The following DISP1 variants were observed in gnomAD, a reference collection of about 807,000 sequenced individuals.
DISP1 encodes protein dispatched homolog 1.
DISP1 carries 30 observed loss-of-function variants against 37.3 expected under a neutral mutation model. That is an observed-to-expected ratio of 0.80 (90% CI 0.60 to 1.09). DISP1 has a LOEUF of 1.09. DISP1 is among the 50% of genes least tolerant of loss of function. The pLI is 0.00. For synonymous variants in DISP1, 634 were observed against 690.2 expected, an observed-to-expected ratio of 0.92 and a Z score of 1.28; for missense variants, 1,598 against 1,879.5, an observed-to-expected ratio of 0.85 and a Z score of 2.77.
rs372060548 is a variant in DISP1, at chr1:222,917,352, A to T, written c.-158-11078A>T. The stretch of plus-strand genomic sequence containing the variant: ...GAGACTAGCAGAGACTTGCAGGGAC[A>T]GGGAGGGACAGACAGGGACAGATAG... On this transcript the variant is annotated intron_variant, in intron 1 of 8. Coordinates refer to ENST00000675850, the MANE Select transcript of DISP1 (RefSeq NM_001377229.1). Among the ~76,000 whole-genome samples the T allele has an allele frequency of 1.2e-4, 18 of 152,178 alleles. No individual in the cohort carries two copies. The East Asian group carries it at 2.1e-3, about 18-fold the overall frequency.
At chr1:222,955,992 G>T (rs547150081) in intron 3 of DISP1, among the ~76,000 whole-genome samples, 1 of 152,194 alleles carries the variant, frequency 6.6e-6, no homozygotes, top group Non-Finnish European at 1.5e-5. Flanking sequence ...AATACTTTGA[G>T]ATTCAAGCCT....
chr1:222,871,179 T>C (rs181454517), intron 1 of DISP1, among the ~76,000 whole-genome samples: 60 of 152,326 alleles, frequency 3.9e-4, no homozygotes, highest in South Asian at 1.4e-3. Context: ...TACCATACTA[T>C]TTTGGTTACT....
At chr1:222,843,144 G>C (rs922704319) in intron 1 of DISP1, among the ~76,000 whole-genome samples, 1 of 151,626 alleles carries the variant, frequency 6.6e-6, no homozygotes, top group African/African-American at 2.4e-5. Context: ...CATTAATTTT[G>C]ACTAATCGGG....
At chr1:222,908,999 C>G (rs1672066544) in intron 1 of DISP1, among the ~76,000 whole-genome samples, 1 of 152,052 alleles carries the variant, frequency 6.6e-6, no homozygotes, top group Non-Finnish European at 1.5e-5. Flanking sequence ...TATACACTTT[C>G]TACAAAAAAG....
At chr1:222,868,798 C>A (rs972127643) in intron 1 of DISP1, among the ~76,000 whole-genome samples, 7 of 152,082 alleles carry the variant, frequency 4.6e-5, no homozygotes, top group Non-Finnish European at 2.9e-5. Flanking sequence ...TTTAGAGGTG[C>A]TTTCCCTAAG....
intron 3 of DISP1, among the ~76,000 whole-genome samples, chr1:222,964,230 C>T (rs1167868855): frequency 2.0e-5 from 3 of 148,276 alleles, no homozygotes; most frequent in African/African-American, 7.5e-5. Context: ...ACCTGGGAGG[C>T]GGAGGTTGCA....
At chr1:222,897,877 T>C (rs927082574) in intron 1 of DISP1, among the ~76,000 whole-genome samples, 1 of 152,200 alleles carries the variant, frequency 6.6e-6, no homozygotes, top group Non-Finnish European at 1.5e-5. Flanking sequence ...TGTAAAAACA[T>C]GTACATGTCC....
At chr1:222,901,716 C>T (rs944874023) in intron 1 of DISP1, among the ~76,000 whole-genome samples, 22 of 152,174 alleles carry the variant, frequency 1.4e-4, no homozygotes, top group African/African-American at 4.3e-4. Flanking sequence ...TCAGTAGAGA[C>T]GGGGTTTCAC....
At chr1:222,900,812 G>A (rs945513578) in intron 1 of DISP1, among the ~76,000 whole-genome samples, 1 of 152,188 alleles carries the variant, frequency 6.6e-6, no homozygotes, top group African/African-American at 2.4e-5. Context: ...TATGAACAGA[G>A]TGATGAGTGG....
At chr1:222,926,296 A>G (rs1673080815) in intron 1 of DISP1, among the ~76,000 whole-genome samples, 1 of 152,202 alleles carries the variant, frequency 6.6e-6, no homozygotes. Context: ...GTATAGATGT[A>G]CATATGTTGT....
intron 1 of DISP1, among the ~76,000 whole-genome samples, chr1:222,839,749 A>G (rs1202658328): frequency 6.6e-6 from 1 of 152,058 alleles, no homozygotes; most frequent in Non-Finnish European, 1.5e-5. Flanking sequence ...CCTGGCCAAC[A>G]TGGTGAAACC....
At chr1:222,964,034 G>A (rs1676272139) in intron 3 of DISP1, among the ~76,000 whole-genome samples, 2 of 151,894 alleles carry the variant, frequency 1.3e-5, no homozygotes, top group Non-Finnish European at 2.9e-5. Context: ...AAAAAGAAAA[G>A]CCAGGCATAT....
chr1:222,882,784 ATAAATGT>A (rs1670349621), intron 1 of DISP1, among the ~76,000 whole-genome samples: 2 of 152,184 alleles, frequency 1.3e-5, no homozygotes, highest in Admixed American at 6.5e-5. Context: ...CTTACTGGAA[ATAAATGT>A]TGATGACAAT....
At chr1:222,836,604 A>G (rs1479282981) in intron 1 of DISP1, among the ~76,000 whole-genome samples, 1 of 152,118 alleles carries the variant, frequency 6.6e-6, no homozygotes, top group Non-Finnish European at 1.5e-5. Context: ...GTTGCTTACT[A>G]TGTAAAATGA....
intron 1 of DISP1, among the ~76,000 whole-genome samples, chr1:222,892,961 A>G (rs542646101): frequency 6.2e-4 from 94 of 152,358 alleles, no homozygotes; most frequent in African/African-American, 2.0e-3. Context: ...TATGTGTTTT[A>G]AATTTTTATT....
chr1:222,957,591 TA>T (rs974425798), intron 3 of DISP1, among the ~76,000 whole-genome samples: 2 of 151,830 alleles, frequency 1.3e-5, no homozygotes, highest in African/African-American at 4.8e-5. Context: ...TCTGTCTCAA[TA>T]AAAAAATAAA....
At chr1:222,900,888 A>C (rs990439257) in intron 1 of DISP1, among the ~76,000 whole-genome samples, 3 of 152,192 alleles carry the variant, frequency 2.0e-5, no homozygotes, top group Admixed American at 6.5e-5. Context: ...AGGACTGAGA[A>C]AGGTATTTTA....
chr1:222,836,808 G>A, intron 1 of DISP1: 1 of 301,682 alleles, frequency 3.3e-6, no homozygotes, highest in Non-Finnish European at 6.0e-6. Context: ...ATGATTTAGT[G>A]TGGAGACAGT....
chr1:222,835,955 CAA>C (rs1275754600), intron 1 of DISP1, among the ~76,000 whole-genome samples: 30 of 116,984 alleles, frequency 2.6e-4, no homozygotes, highest in Non-Finnish European at 2.3e-4. Context: ...ACTCTTGTCT[CAA>C]AAAAAAAAAA....
Sources: allele counts gnomAD v4.1 joint callset (sites outside exome capture counted in the v4.1 genomes callset), GRCh38; gene constraint gnomAD v4.1.1; transcripts MANE v1.5; gene names NCBI Gene and HGNC (gene_info 2026-07-23, HGNC 2026-07-21).